The following UBR2 variants were observed in gnomAD, a reference collection of about 807,000 sequenced individuals.
UBR2 encodes the protein ubiquitin protein ligase E3 component n-recognin 2, also known as E3 ubiquitin-protein ligase UBR2.
A neutral mutation model predicts 247.9 loss-of-function variants in UBR2; 92 were observed. The observed-to-expected ratio is 0.37, with a 90% CI of 0.31 to 0.44. The LOEUF (loss-of-function observed/expected upper bound fraction) is 0.44, where lower values mean the gene tolerates loss of function less well. Ranked by LOEUF, UBR2 falls within the 20% of genes least tolerant of loss-of-function variation. UBR2 has a pLI of 1.00. For synonymous variants in UBR2, 672 were observed against 693.5 expected (o/e 0.97, Z 0.49); for missense variants, 1,613 against 2,112.6 (o/e 0.76, Z 4.64).
intron 18 of UBR2, 122 bp downstream of exon 18, chr6:42,642,603 T>C: frequency 1.3e-6 from 1 of 745,402 alleles, no homozygotes; most frequent in East Asian, 2.7e-5. Context: ...CCCTGTCTCC[T>C]CAGCTCCAAA....
At chr6:42,572,047 G>GTTTTAT (rs112295174) in intron 1 of UBR2, among the ~76,000 whole-genome samples, 20 of 152,116 alleles carry the variant, frequency 1.3e-4, no homozygotes, top group Admixed American at 5.2e-4. Context: ...TGCTGCTGCT[G>GTTTTAT]TTTTATTTTT....
chr6:42,640,383 G>GTGT, intron 16 of UBR2, 113 bp downstream of exon 16: 1 of 171,014 alleles, frequency 5.8e-6, no homozygotes. Flanking sequence ...GAACCAGTAA[G>GTGT]GTGTGTGTGT....
chr6:42,680,531 A>G (rs1330058117), intron 42 of UBR2, among the ~76,000 whole-genome samples: 1 of 152,078 alleles, frequency 6.6e-6, no homozygotes, highest in Non-Finnish European at 1.5e-5. Flanking sequence ...CTCCCACCTC[A>G]GCCTCCTGAG....
chr6:42,618,746 T>C (rs1794714924), intron 11 of UBR2, among the ~76,000 whole-genome samples: 1 of 152,194 alleles, frequency 6.6e-6, no homozygotes, highest in African/African-American at 2.4e-5. Flanking sequence ...GAAAAATTGA[T>C]GGTAACTCGA....
chr6:42,612,597 T>A (rs1794165290), intron 8 of UBR2, among the ~76,000 whole-genome samples: 1 of 152,240 alleles, frequency 6.6e-6, no homozygotes, highest in Non-Finnish European at 1.5e-5. Flanking sequence ...ACAAACAATT[T>A]TTTTTTAAAC....
At chr6:42,640,357 G>A (rs1046702038) in intron 16 of UBR2, 87 bp downstream of exon 16, 86 of 1,115,968 alleles carry the variant, frequency 7.7e-5, no homozygotes, top group Admixed American at 1.4e-4. Context: ...TTTAGTTTGG[G>A]TTCTCCAGAG....
In UBR2 at chr6:42,652,562, G is replaced by A. The variant is rs1197837056; in HGVS notation, c.2686G>A (p.Val896Ile). 2.5e-6 allele frequency: 4 copies of A among 1,613,654 alleles called. No homozygotes were observed. The highest frequency in any genetic ancestry group is 3.4e-6 in the Non-Finnish European group (4 of 1,179,994). The change falls in exon 25 of 47, where the codon GTC becomes ATC. Residue 896 changes from valine (V) to isoleucine (I), a missense_variant. Physicochemically the swap from Val to Ile is conservative, Grantham distance 29. Around this residue, in one of 3 missense-constraint regions of UBR2, gnomAD observed 1,524 missense variants for 1,967.3 expected, o/e 0.77. Coordinates refer to ENST00000372901, the MANE Select transcript of UBR2 (RefSeq NM_001363705.2). ...CCTGGTTAACATTTTGCAGTCAGAT[G>A]TCATGTTGTGCATCATGGGAACAAT... is the stretch of plus-strand genomic sequence containing the variant. Reference protein sequence around the residue: ...ASLVNILQSDVMLCIMGTILQ... With the variant: ...ASLVNILQSDIMLCIMGTILQ...
chr6:42,605,676 A>T, intron 5 of UBR2, 45 bp from the exon 6 acceptor site: 2 of 1,563,924 alleles, frequency 1.3e-6, no homozygotes, highest in Non-Finnish European at 1.7e-6. Context: ...CTGGAGCAAG[A>T]TAATAAACAA....
intron 2 of UBR2, among the ~76,000 whole-genome samples, chr6:42,591,449 AT>A (rs897018795): frequency 1.3e-5 from 2 of 152,180 alleles, no homozygotes; most frequent in African/African-American, 4.8e-5. Flanking sequence ...GATATGATCT[AT>A]AAATGTATCT....
At position 42,645,552 on chromosome 6, in the gene UBR2, A is replaced by G. The variant is rs1039072020; in HGVS notation, c.2371A>G (p.Met791Val). The G allele has an allele frequency of 5.0e-6, 8 of 1,613,750 alleles. No individual in the cohort carries two copies. Among genetic ancestry groups the G allele is most frequent in the African/African-American group, 4.0e-5 (3 of 74,924 alleles). Residue 791 changes from methionine (M) to valine (V), a missense_variant, in exon 21 of 47, where the codon ATG becomes GTG. Around this residue, in one of 3 missense-constraint regions of UBR2, gnomAD observed 1,524 missense variants for 1,967.3 expected, o/e 0.77. Coordinates refer to ENST00000372901, the MANE Select transcript of UBR2 (RefSeq NM_001363705.2). ...EIIHQLSIKP[M>V]AHSELVKSLP... ...TATCCATCAGTTGAGTATCAAGCCT[A>G]TGGCTCATAGTGAATTGGTAAAGTC...
In UBR2 at chr6:42,652,081, A is replaced by G. The variant is rs747553112; in HGVS notation, c.2614+10A>G. 3.2e-6 allele frequency: 5 copies of G among 1,577,778 alleles called. No homozygotes were observed. Among genetic ancestry groups the G allele is most frequent in the Middle Eastern group, 1.7e-4 (1 of 5,928 alleles). ...AATAGAGAAGATACAGGTATTTTTA[A>G]TCTTTCTGAAAATGTCTTGCCCATC... On this transcript the variant is annotated intron_variant, in intron 24 of 46. Coordinates refer to ENST00000372901, the MANE Select transcript of UBR2 (RefSeq NM_001363705.2).
chr6:42,609,108 C>A (rs554436618), intron 7 of UBR2, among the ~76,000 whole-genome samples: 1 of 152,156 alleles, frequency 6.6e-6, no homozygotes, highest in Non-Finnish European at 1.5e-5. Context: ...GATAAAATAT[C>A]TTGAAGAGAT....
In UBR2 at chr6:42,641,778, A is replaced by G. The variant is rs139030209; in HGVS notation, c.2031+86A>G. ...TAATTTTCAGTGGACTTAGTCAGTGAAAGCTGAGTATCTATATTAAAATTG... is the reference window on the plus strand; with the variant it reads ...TAATTTTCAGTGGACTTAGTCAGTGGAAGCTGAGTATCTATATTAAAATTG... On this transcript the variant is annotated intron_variant, in intron 17 of 46. Transcript: ENST00000372901. The G allele has an allele frequency of 2.8e-4, 278 of 987,376 alleles. 1 individual carries two copies. In the East Asian group the frequency reaches 7.1e-3, roughly 25 times the overall value. The allele number at this position is 987,376 out of a possible 1,614,324, so 61.2% of individuals were successfully genotyped here.
chr6:42,673,784 A>G lies in UBR2; in HGVS notation c.4087-7A>G, dbSNP rs1562389163. 6.2e-7 allele frequency: 1 copy of G among 1,609,960 alleles called. No homozygotes were observed. Among genetic ancestry groups the G allele is most frequent in the East Asian group, 2.2e-5 (1 of 44,810 alleles). ...TGTTTTTTGTTAATTGCGTTGGTTTATTTTAGGATGACTGTCTTAGGTCAT... is the reference window on the plus strand; with the variant it reads ...TGTTTTTTGTTAATTGCGTTGGTTTGTTTTAGGATGACTGTCTTAGGTCAT... On this transcript the variant is annotated splice_region_variant and splice_polypyrimidine_tract_variant and intron_variant, in intron 36 of 46. Coordinates refer to ENST00000372901, the MANE Select transcript of UBR2 (RefSeq NM_001363705.2).
intron 34 of UBR2, among the ~76,000 whole-genome samples, chr6:42,668,258 A>G (rs2151980772): frequency 6.6e-6 from 1 of 152,294 alleles, no homozygotes; most frequent in Non-Finnish European, 1.5e-5. Flanking sequence ...ATTCCTAAGA[A>G]AGGATACCTG....
intron 22 of UBR2, among the ~76,000 whole-genome samples, chr6:42,648,950 T>C (rs946305510): frequency 2.5e-4 from 38 of 151,848 alleles, no homozygotes; most frequent in African/African-American, 8.5e-4. Context: ...GGGGGGCGGG[T>C]TGTTGGTTTT....
chr6:42,603,678 T>C lies in UBR2; in HGVS notation c.622T>C (p.Trp208Arg). 7 of 1,600,978 alleles carry C rather than the reference T, an allele frequency of 4.4e-6. No individual in the cohort carries two copies. Among genetic ancestry groups the C allele is most frequent in the Non-Finnish European group, 5.9e-6 (7 of 1,177,086 alleles). ...TCGGTATGCAGTAGAAATATTAACC[T>C]GGGAAAAAGAAAGTGAATTGCCAGC... The part of the protein sequence containing the change: ...TFRYAVEILT[W>R]EKESELPADL... Residue 208 changes from tryptophan (W) to arginine (R), a missense_variant, in exon 5 of 47, where the codon TGG becomes CGG. Transcript: ENST00000372901.
Position 42,644,199 on chromosome 6 carries a change from A to T in UBR2, c.2098-15A>T, listed in dbSNP as rs199579526. On this transcript the variant is annotated splice_polypyrimidine_tract_variant and intron_variant, in intron 18 of 46. Transcript: ENST00000372901. Reference sequence around the variant, plus strand: ...CCTCTTTTCCTTTATCTCAAACATTAAAAAAAAAAAAAAGACAGGTGTCTC... The same window carrying T: ...CCTCTTTTCCTTTATCTCAAACATTTAAAAAAAAAAAAAGACAGGTGTCTC... 30 of 234,162 alleles carry T rather than the reference A, an allele frequency of 1.3e-4. No homozygotes were observed. Among genetic ancestry groups the T allele is most frequent in the Non-Finnish European group, 1.9e-4 (25 of 130,868 alleles). The allele number at this position is 234,162 out of a possible 1,614,324, so 14.5% of individuals were successfully genotyped here.
At chr6:42,614,227 C>T (rs1249087142) in intron 8 of UBR2, among the ~76,000 whole-genome samples, 721 of 45,768 alleles carry the variant, frequency 0.016, 12 homozygotes, top group Middle Eastern at 0.036. Context: ...TACACACACA[C>T]ACACACACAC....
Sources: gnomAD v4.1 joint callset for allele counts (sites outside exome capture counted in the v4.1 genomes callset) on GRCh38, gnomAD v4.1.1 for gene constraint, gnomAD v4.1.1 regional missense constraint, MANE v1.5 for transcripts, NCBI Gene and HGNC (gene_info 2026-07-23, HGNC 2026-07-21) for gene names.